The following LOC122539214 variants were observed in gnomAD, a reference collection of about 807,000 sequenced individuals.
chr19:52,668,423 A>G, the LOC122539214 span, among the ~76,000 whole-genome samples: 147 of 152,230 alleles, frequency 9.7e-4, 1 homozygote, highest in Non-Finnish European at 1.6e-3. Context: ...CAGTGCTTAT[A>G]TCCATTACTA....
the LOC122539214 span, among the ~76,000 whole-genome samples, chr19:52,687,599 G>GTGTA: frequency 3.6e-4 from 6 of 16,820 alleles, 1 homozygote; most frequent in African/African-American, 1.6e-3. Flanking sequence ...TATATATAAT[G>GTGTA]TATATATATA....
the LOC122539214 span, among the ~76,000 whole-genome samples, chr19:52,663,919 G>A: frequency 4.6e-5 from 7 of 152,178 alleles, no homozygotes; most frequent in East Asian, 1.9e-4. Flanking sequence ...ACGGAGTCTC[G>A]CTCTGTTGCC....
the LOC122539214 span, among the ~76,000 whole-genome samples, chr19:52,679,801 AC>A: frequency 6.6e-6 from 1 of 152,032 alleles, no homozygotes; most frequent in Non-Finnish European, 1.5e-5. Flanking sequence ...TTTTATGCAA[AC>A]TCACTCCATA....
At chr19:52,684,131 G>A in the LOC122539214 span, among the ~76,000 whole-genome samples, 1 of 152,116 alleles carries the variant, frequency 6.6e-6, no homozygotes, top group African/African-American at 2.4e-5. Context: ...CACTCTGGGA[G>A]GCCGAGGCTG....
At chr19:52,670,352 C>T in the LOC122539214 span, among the ~76,000 whole-genome samples, 38 of 152,162 alleles carry the variant, frequency 2.5e-4, no homozygotes, top group Non-Finnish European at 1.9e-4. Context: ...CTAACCCTCG[C>T]CAATAGGGGA....
the LOC122539214 span, chr19:52,652,946 G>C: frequency 1.6e-6 from 2 of 1,234,166 alleles, no homozygotes; most frequent in African/African-American, 3.0e-5. Context: ...GATGACATAT[G>C]ACTGAAGGTC....
the LOC122539214 span, chr19:52,654,151 C>T: frequency 6.2e-7 from 1 of 1,605,754 alleles, no homozygotes; most frequent in Non-Finnish European, 8.5e-7. Flanking sequence ...AGGCTTGTTT[C>T]CAGCATGCCT....
At chr19:52,652,441 G>GA in the LOC122539214 span, 452 of 382,734 alleles carry the variant, frequency 1.2e-3, no homozygotes, top group South Asian at 1.7e-3. Context: ...TCTGAAAAAA[G>GA]AAAAAAAAAT....
At chr19:52,655,679 C>T in the LOC122539214 span, 1 of 1,145,110 alleles carries the variant, frequency 8.7e-7, no homozygotes, top group Admixed American at 1.9e-5. Context: ...CCCTGAAAGT[C>T]AAGCATCCCT....
chr19:52,681,515 A>G, the LOC122539214 span, among the ~76,000 whole-genome samples: 1 of 152,292 alleles, frequency 6.6e-6, no homozygotes, highest in East Asian at 1.9e-4. Context: ...CATGTGCTAT[A>G]CACTGTTCTA....
the LOC122539214 span, among the ~76,000 whole-genome samples, chr19:52,680,203 C>A: frequency 6.6e-6 from 1 of 152,214 alleles, no homozygotes; most frequent in African/African-American, 2.4e-5. Flanking sequence ...AGAAAGCAGG[C>A]ATGGGGCAAA....
the LOC122539214 span, among the ~76,000 whole-genome samples, chr19:52,674,015 CAAAAAAAAAA>C: frequency 2.7e-5 from 2 of 73,064 alleles, no homozygotes; most frequent in African/African-American, 5.2e-5. Flanking sequence ...GACTCCATCT[CAAAAAAAAAA>C]AAAAAAAAAA....
chr19:52,655,503 G>C, the LOC122539214 span: 4 of 1,396,866 alleles, frequency 2.9e-6, no homozygotes, highest in Non-Finnish European at 4.0e-6. Flanking sequence ...TACAAAACCA[G>C]GAAGAGCCAA....
chr19:52,681,433 G>C, the LOC122539214 span, among the ~76,000 whole-genome samples: 2 of 152,180 alleles, frequency 1.3e-5, no homozygotes, highest in South Asian at 4.1e-4. Context: ...GAAAAGAAAA[G>C]AGAGTAAAGT....
chr19:52,665,626 C>T, the LOC122539214 span, among the ~76,000 whole-genome samples: 1 of 152,166 alleles, frequency 6.6e-6, no homozygotes, highest in African/African-American at 2.4e-5. Context: ...CTGCTCCACC[C>T]TGAGTAATTC....
chr19:52,677,329 A>AAT, the LOC122539214 span, among the ~76,000 whole-genome samples: 118 of 129,138 alleles, frequency 9.1e-4, 6 homozygotes, highest in East Asian at 0.012. Flanking sequence ...AAAAAAAAAA[A>AAT]ACAAAAATTA....
chr19:52,655,824 T>C, the LOC122539214 span: 3 of 510,932 alleles, frequency 5.9e-6, no homozygotes, highest in South Asian at 5.5e-5. Flanking sequence ...TTTTTGAACA[T>C]TTCTTTTTGT....
chr19:52,682,409 A>G, the LOC122539214 span, among the ~76,000 whole-genome samples: 2 of 152,098 alleles, frequency 1.3e-5, no homozygotes, highest in South Asian at 4.1e-4. Flanking sequence ...GTGGTGGCTC[A>G]TGCCTGAAAT....
the LOC122539214 span, among the ~76,000 whole-genome samples, chr19:52,687,480 ATAAAT>A: frequency 1.5e-5 from 1 of 66,522 alleles, no homozygotes; most frequent in Non-Finnish European, 2.9e-5. Context: ...ATATATCTAT[ATAAAT>A]TATAATTTAT....
Sources: gnomAD v4.1 joint callset for allele counts (sites outside exome capture counted in the v4.1 genomes callset) on GRCh38, gnomAD v4.1.1 for gene constraint, MANE v1.5 for transcripts.